Variants in NAALADL2 observed in about 807,000 individuals in gnomAD.
NAALADL2 encodes N-acetylated alpha-linked acidic dipeptidase like 2, also known as inactive N-acetylated-alpha-linked acidic dipeptidase-like protein 2.
Under a neutral mutation model 87.2 loss-of-function variants are expected in NAALADL2, and 76 were observed. That is an observed-to-expected ratio of 0.87 (90% CI 0.72 to 1.05). The LOEUF is 1.05. NAALADL2 is among the 50% of genes least tolerant of loss of function. The pLI is 0.00. For synonymous variants in NAALADL2, 354 were observed against 331.0 expected (o/e 1.07, Z -0.75); for missense variants, 1,089 against 945.8 (o/e 1.15, Z -1.99).
intron 11 of NAALADL2, among the ~76,000 whole-genome samples, chr3:175,662,797 A>G (rs1012366768): frequency 2.0e-5 from 3 of 151,990 alleles, no homozygotes; most frequent in Non-Finnish European, 4.4e-5. Context: ...TATCACATTC[A>G]TTGATTTGTA....
intron 1 of NAALADL2, among the ~76,000 whole-genome samples, chr3:174,902,983 G>T (rs1357443150): frequency 6.6e-6 from 1 of 152,050 alleles, no homozygotes; most frequent in Non-Finnish European, 1.5e-5. Context: ...TCATACTCCT[G>T]GGGCAAAACT....
intron 5 of NAALADL2, among the ~76,000 whole-genome samples, chr3:175,395,335 T>C (rs1769638831): frequency 6.6e-6 from 1 of 152,316 alleles, no homozygotes; most frequent in South Asian, 2.1e-4. Context: ...CAGTTGATCA[T>C]GGGTAACTGA....
intron 11 of NAALADL2, among the ~76,000 whole-genome samples, chr3:175,715,728 T>A (rs1337163596): frequency 6.6e-6 from 1 of 151,812 alleles, no homozygotes; most frequent in East Asian, 1.9e-4. Context: ...ATACAAAAAT[T>A]AGCCAGGCAT....
At chr3:175,209,798 A>C (rs2109251656) in intron 2 of NAALADL2, among the ~76,000 whole-genome samples, 1 of 152,000 alleles carries the variant, frequency 6.6e-6, no homozygotes, top group East Asian at 1.9e-4. Flanking sequence ...AAAGACCTTG[A>C]GAACCTATAA....
At chr3:175,518,914 C>T (rs1472886502) in intron 9 of NAALADL2, among the ~76,000 whole-genome samples, 1 of 152,140 alleles carries the variant, frequency 6.6e-6, no homozygotes, top group Non-Finnish European at 1.5e-5. Flanking sequence ...TACATAGGAG[C>T]CTTCAGAATA....
intron 2 of NAALADL2, among the ~76,000 whole-genome samples, chr3:175,122,361 T>C (rs1199136483): frequency 1.3e-5 from 2 of 151,832 alleles, no homozygotes; most frequent in African/African-American, 2.4e-5. Context: ...GAACCAAGCA[T>C]TGGTTTTGGC....
intron 2 of NAALADL2, among the ~76,000 whole-genome samples, chr3:174,571,161 T>C (rs1388608557): frequency 6.6e-6 from 1 of 152,152 alleles, no homozygotes; most frequent in Non-Finnish European, 1.5e-5. Flanking sequence ...TTGGAAAATA[T>C]GGGTGAAGTC....
At chr3:175,098,836 T>A (rs1049557098) in intron 2 of NAALADL2, among the ~76,000 whole-genome samples, 1 of 151,912 alleles carries the variant, frequency 6.6e-6, no homozygotes, top group Non-Finnish European at 1.5e-5. Context: ...TTACAAAATG[T>A]CTTCTGGAAA....
chr3:175,115,262 T>A (rs1724917483), intron 2 of NAALADL2: 1 of 151,666 alleles, frequency 6.6e-6, no homozygotes, highest in Non-Finnish European at 1.5e-5. Context: ...CAGTCAAACA[T>A]AACTTACTTC....
intron 2 of NAALADL2, among the ~76,000 whole-genome samples, chr3:175,151,254 G>T (rs1450110143): frequency 9.2e-5 from 14 of 152,112 alleles, no homozygotes; most frequent in Non-Finnish European, 4.4e-5. Context: ...GGCACCTTGG[G>T]GAAGTCAGCT....
intron 11 of NAALADL2, among the ~76,000 whole-genome samples, chr3:175,721,415 C>G (rs1004848290): frequency 3.3e-5 from 5 of 152,000 alleles, no homozygotes; most frequent in African/African-American, 1.2e-4. Context: ...TAAAAATTCT[C>G]AGACTGGATT....
chr3:175,652,051 A>T (rs772070384), intron 11 of NAALADL2, among the ~76,000 whole-genome samples: 5 of 152,240 alleles, frequency 3.3e-5, no homozygotes, highest in Non-Finnish European at 7.3e-5. Flanking sequence ...GATACTGTAC[A>T]TCAAATTTCT....
intron 1 of NAALADL2, among the ~76,000 whole-genome samples, chr3:175,063,847 T>C (rs909244810): frequency 7.9e-5 from 12 of 152,164 alleles, no homozygotes; most frequent in Non-Finnish European, 4.4e-5. Flanking sequence ...GCTTAAAAAT[T>C]ATCTATATTA....
At chr3:175,603,687 T>C (rs1229140869) in intron 10 of NAALADL2, among the ~76,000 whole-genome samples, 2 of 152,234 alleles carry the variant, frequency 1.3e-5, no homozygotes, top group Admixed American at 6.5e-5. Flanking sequence ...CCATTGCATG[T>C]ATAGGCTGCA....
intron 1 of NAALADL2, among the ~76,000 whole-genome samples, chr3:174,457,165 A>G (rs184809233): frequency 5.9e-5 from 9 of 152,266 alleles, no homozygotes; most frequent in Admixed American, 2.0e-4. Context: ...ACCATCTCCT[A>G]CCTGTCAAAA....
intron 1 of NAALADL2, among the ~76,000 whole-genome samples, chr3:174,864,757 T>A (rs1333277668): frequency 6.6e-6 from 1 of 152,094 alleles, no homozygotes; most frequent in African/African-American, 2.4e-5. Flanking sequence ...GGAAGGAGTT[T>A]AAACAAATTT....
chr3:175,197,435 C>T (rs923141595), intron 2 of NAALADL2, among the ~76,000 whole-genome samples: 6 of 151,768 alleles, frequency 4.0e-5, no homozygotes, highest in African/African-American at 7.3e-5. Flanking sequence ...AATTAGTCTG[C>T]GAAGTTTTTC....
chr3:174,714,671 TGCTTATCA>T (rs1184021132), intron 2 of NAALADL2, among the ~76,000 whole-genome samples: 1 of 152,232 alleles, frequency 6.6e-6, no homozygotes, highest in East Asian at 1.9e-4. Flanking sequence ...TTGCTGAAGT[TGCTTATCA>T]GCTTAAGGAG....
intron 3 of NAALADL2, among the ~76,000 whole-genome samples, chr3:174,793,726 C>G (rs922146846): frequency 6.6e-6 from 1 of 151,926 alleles, no homozygotes; most frequent in Admixed American, 6.6e-5. Flanking sequence ...CTATCTCTCT[C>G]ATACAGTGTC....
Sources: allele counts gnomAD v4.1 joint callset (sites outside exome capture counted in the v4.1 genomes callset), GRCh38; gene constraint gnomAD v4.1.1; transcripts MANE v1.5; gene names NCBI Gene and HGNC (gene_info 2026-07-23, HGNC 2026-07-21).